PXDN: variants seen among roughly 807,000 people sequenced by gnomAD.
PXDN encodes the protein peroxidasin homolog.
A neutral mutation model predicts 140.3 loss-of-function variants in PXDN; 77 were observed. The observed-to-expected ratio is 0.55, with a 90% CI of 0.46 to 0.66. The LOEUF (loss-of-function observed/expected upper bound fraction) is 0.66. Ranked by LOEUF, PXDN falls within the 30% of genes least tolerant of loss-of-function variation. PXDN has a pLI of 0.00. For missense variants in PXDN, 1,838 were observed against 2,039.5 expected, an observed-to-expected ratio of 0.90 and a Z score of 1.90; for synonymous variants, 911 against 857.4, an observed-to-expected ratio of 1.06 and a Z score of -1.09.
chr2:1,710,283 C>G (rs916792375), intron 1 of PXDN, among the ~76,000 whole-genome samples: 1 of 152,158 alleles, frequency 6.6e-6, no homozygotes, highest in East Asian at 1.9e-4. Flanking sequence ...AGGTGTTGCC[C>G]AAGCCTGAAG....
At chr2:1,666,180 A>G (rs1420277311) in intron 10 of PXDN, 34 bp downstream of exon 10, 2 of 1,608,130 alleles carry the variant, frequency 1.2e-6, no homozygotes, top group East Asian at 2.2e-5. Context: ...GATGGGGCTG[A>G]GCCCTGGCTC....
chr2:1,737,988 A>T (rs1685457928), intron 1 of PXDN, among the ~76,000 whole-genome samples: 1 of 152,246 alleles, frequency 6.6e-6, no homozygotes, highest in Admixed American at 6.5e-5. Flanking sequence ...GCTAAGTCAC[A>T]TGCAGGTGGT....
chr2:1,684,472 T>C (rs1440345021), intron 4 of PXDN, among the ~76,000 whole-genome samples: 2 of 152,104 alleles, frequency 1.3e-5, no homozygotes, highest in African/African-American at 4.8e-5. Context: ...CCAAAATATA[T>C]GGAAAAAAGC....
chr2:1,703,336 G>A (rs1312088228), intron 1 of PXDN, among the ~76,000 whole-genome samples: 1 of 12,144 alleles, frequency 8.2e-5, no homozygotes. Context: ...TGAAGGGAGG[G>A]CAACTCCAGG....
intron 7 of PXDN, among the ~76,000 whole-genome samples, chr2:1,679,191 C>T (rs987912674): frequency 7.3e-5 from 10 of 136,552 alleles, no homozygotes; most frequent in Admixed American, 2.2e-4. Flanking sequence ...CGTGTATGTG[C>T]GTGTGTGTGG....
chr2:1,644,669 G>A lies in PXDN; in HGVS notation c.3692C>T (p.Thr1231Ile). 6.2e-7 allele frequency: 1 copy of A among 1,607,156 alleles called. No individual in the cohort carries two copies. The highest frequency in any genetic ancestry group is 1.1e-5 in the South Asian group (1 of 90,138). ...CTGTGTGCTGAGAAGACACATCAGG[G>A]TGGGGCCCAGCCGGCTGCCAGGCAC... Reference protein sequence around the residue: ...DLVPGSRLGPTLMCLLSTQFK... With the variant: ...DLVPGSRLGPILMCLLSTQFK... Residue 1231 changes from threonine (T) to isoleucine (I), a missense_variant, in exon 18 of 23, where the codon ACC (threonine) becomes ATC (isoleucine). Physicochemically the swap from Thr to Ile is moderately conservative, Grantham distance 89. Transcript: ENST00000252804.
At chr2:1,726,556 G>A (rs983426037) in intron 1 of PXDN, among the ~76,000 whole-genome samples, 19 of 151,960 alleles carry the variant, frequency 1.3e-4, no homozygotes, top group African/African-American at 4.6e-4. Context: ...TTGTGCACAT[G>A]TACCCTAAAA....
Position 1,649,371 on chromosome 2 carries a change from G to C in PXDN, c.2409C>G (p.Ile803Met), listed in dbSNP as rs749686137. The C allele has an allele frequency of 2.2e-5, 35 of 1,613,862 alleles. No homozygotes were observed. In the South Asian group the frequency reaches 3.7e-4, roughly 17 times the overall value. ...PMPRLVSTTLIGTETVTPDEQ... is the reference protein window; with the variant it reads ...PMPRLVSTTLMGTETVTPDEQ... ...CGTCGGGTGTGACGGTCTCCGTCCC[G>C]ATCAGGGTGGTGGACACCAGGCGCG... is the stretch of plus-strand genomic sequence containing the variant. Residue 803 changes from isoleucine (I) to methionine (M), a missense_variant, in exon 17 of 23, where the codon ATC (isoleucine) becomes ATG (methionine). This residue lies in a region of PXDN where 537 missense variants were observed against 583.9 expected (regional missense o/e 0.92). Coordinates refer to ENST00000252804, the MANE Select transcript of PXDN (RefSeq NM_012293.3). This position sits in a 1 kb window ranked among gnomAD's most constrained non-coding sequence, Gnocchi z 7.1.
chr2:1,683,521 C>G (rs1683969514), intron 6 of PXDN, 135 bp downstream of exon 6: 1 of 817,448 alleles, frequency 1.2e-6, no homozygotes, highest in Non-Finnish European at 1.9e-6. Context: ...TTCAATCCAC[C>G]CTCCATATAT....
At chr2:1,707,878 A>C (rs542727151) in intron 1 of PXDN, among the ~76,000 whole-genome samples, 9 of 152,080 alleles carry the variant, frequency 5.9e-5, no homozygotes, top group African/African-American at 2.2e-4. Flanking sequence ...TTTAGGATCT[A>C]CGTTTTACCA....
intron 2 of PXDN, among the ~76,000 whole-genome samples, chr2:1,692,243 C>G (rs1211475975): frequency 6.6e-6 from 1 of 152,204 alleles, no homozygotes. Flanking sequence ...TTTGATACAG[C>G]GGAGAAAAAA....
chr2:1,691,197 G>T (rs986464659), intron 3 of PXDN, among the ~76,000 whole-genome samples: 1 of 152,050 alleles, frequency 6.6e-6, no homozygotes, highest in Non-Finnish European at 1.5e-5. Context: ...ATTAAAAATA[G>T]CTCTCTTTGG....
chr2:1,720,531 C>T (rs2125479854), intron 1 of PXDN, among the ~76,000 whole-genome samples: 1 of 152,094 alleles, frequency 6.6e-6, no homozygotes, highest in East Asian at 1.9e-4. Context: ...GCAGGGAGTG[C>T]CTCGCTCCAC....
Position 1,687,846 on chromosome 2 carries a change from G to C in PXDN, c.345-143C>G. The C allele has an allele frequency of 3.5e-6, 2 of 572,794 alleles. No individual in the cohort carries two copies. Among genetic ancestry groups the C allele is most frequent in the Non-Finnish European group, 5.9e-6 (2 of 340,184 alleles). The allele number at this position is 572,794 out of a possible 1,614,324, so 35.5% of individuals were successfully genotyped here. On this transcript the variant is annotated intron_variant, in intron 3 of 22. Transcript: ENST00000252804. The surrounding 1 kb of genome is among the most constrained non-coding windows in gnomAD (Gnocchi z 4.0). Reference sequence around the variant, plus strand: ...TGCAAACAAACCATCTGCACGGTGAGTACAGTGCCTCTCCCAAGGGCTTCC... The same window carrying C: ...TGCAAACAAACCATCTGCACGGTGACTACAGTGCCTCTCCCAAGGGCTTCC...
chr2:1,715,887 C>A (rs1054611269), intron 1 of PXDN, among the ~76,000 whole-genome samples: 1 of 152,272 alleles, frequency 6.6e-6, no homozygotes, highest in Non-Finnish European at 1.5e-5. Context: ...TTCCAGCAAA[C>A]AATACAGCCC....
Position 1,651,690 on chromosome 2 carries a change from C to T in PXDN, c.2104+1938G>A, listed in dbSNP as rs943727470. Among the ~76,000 whole-genome samples, 2 of 152,196 alleles carry T rather than the reference C, an allele frequency of 1.3e-5. No homozygotes were observed. Among genetic ancestry groups the T allele is most frequent in the Non-Finnish European group, 2.9e-5 (2 of 68,030 alleles). On this transcript the variant is annotated intron_variant, in intron 16 of 22. Transcript: ENST00000252804. The surrounding 1 kb of genome is among the most constrained non-coding windows in gnomAD (Gnocchi z 4.4). ...CTCAGATGCTCCAGGGAGGCCCCCT[C>T]GCCCTTGTGGGGTCCCTGCTCACGT...
intron 1 of PXDN, among the ~76,000 whole-genome samples, chr2:1,716,440 G>GAA (rs550784477): frequency 0.023 from 1,337 of 58,034 alleles, 117 homozygotes; most frequent in African/African-American, 0.074. Context: ...TCCATCTCAG[G>GAA]AAAAAAAAAA....
chr2:1,673,620 G>A (rs543783031), intron 9 of PXDN, 23 bp downstream of exon 9: 21 of 1,595,674 alleles, frequency 1.3e-5, no homozygotes, highest in Admixed American at 8.4e-5. Flanking sequence ...ATGGAACCCC[G>A]GTGTGAAATG....
At chr2:1,700,853 C>T (rs757599895) in intron 1 of PXDN, among the ~76,000 whole-genome samples, 135 of 151,570 alleles carry the variant, frequency 8.9e-4, no homozygotes, top group South Asian at 2.3e-3. Context: ...CCAGTCTGGG[C>T]GACACAGCGA....
Sources: gnomAD v4.1 joint callset for allele counts (sites outside exome capture counted in the v4.1 genomes callset) on GRCh38, gnomAD v4.1.1 for gene constraint, gnomAD v4.1.1 regional missense constraint, Gnocchi (gnomAD v3.1) non-coding constraint, MANE v1.5 for transcripts, NCBI Gene and HGNC (gene_info 2026-07-23, HGNC 2026-07-21) for gene names.